Variants in NEIL3 observed in about 807,000 individuals in gnomAD.
NEIL3 encodes endonuclease 8-like 3.
In NEIL3, 48 loss-of-function variants were observed where a neutral mutation model predicts 57.5. That is an observed-to-expected ratio of 0.83 (90% CI 0.66 to 1.06). NEIL3 has a LOEUF of 1.06. Among genes scored for constraint, NEIL3 ranks in the 50% least tolerant of loss-of-function variants. The pLI, the probability that NEIL3 is intolerant of heterozygous loss-of-function variation, is 0.00. For synonymous variants in NEIL3, 261 were observed against 253.2 expected, an observed-to-expected ratio of 1.03 and a Z score of -0.29; for missense variants, 717 against 739.1, an observed-to-expected ratio of 0.97 and a Z score of 0.35.
At chr4:177,330,549 A>G (rs761883897) in intron 2 of NEIL3, among the ~76,000 whole-genome samples, 2 of 152,166 alleles carry the variant, frequency 1.3e-5, no homozygotes, top group African/African-American at 2.4e-5. Context: ...TCAATGAAGC[A>G]AATAATTGGT....
intron 8 of NEIL3, among the ~76,000 whole-genome samples, chr4:177,358,791 C>A (rs1446614531): frequency 6.6e-6 from 1 of 152,158 alleles, no homozygotes; most frequent in Non-Finnish European, 1.5e-5. Context: ...AACCCTGGAG[C>A]TCTCTAGGTT....
chr4:177,348,495 A>C (rs1377710404), intron 6 of NEIL3, among the ~76,000 whole-genome samples: 1 of 152,056 alleles, frequency 6.6e-6, no homozygotes, highest in African/African-American at 2.4e-5. Flanking sequence ...TCACCAGGGC[A>C]ATAGTTTCCC....
chr4:177,352,912 C>A (rs1307137083), intron 7 of NEIL3, among the ~76,000 whole-genome samples: 2 of 151,962 alleles, frequency 1.3e-5, no homozygotes, highest in African/African-American at 4.8e-5. Context: ...CTTGTCATTC[C>A]TAGTAGTCTA....
intron 4 of NEIL3, among the ~76,000 whole-genome samples, chr4:177,338,460 A>G (rs912764524): frequency 6.6e-6 from 1 of 152,148 alleles, no homozygotes. Flanking sequence ...CACAAATACT[A>G]TATTTTTCAT....
intron 1 of NEIL3, among the ~76,000 whole-genome samples, chr4:177,321,835 A>G (rs1734691673): frequency 6.6e-6 from 1 of 151,032 alleles, no homozygotes; most frequent in South Asian, 2.1e-4. Flanking sequence ...TGAAAATTGA[A>G]GCTCTCATTC....
rs749391559 is a variant in NEIL3 at position 177,348,858 on chromosome 4, A to ATTTTTTTTTTTTTTTTTTTTTTTTT, written c.870-2519_870-2495dup. 1.4e-4 allele frequency among the ~76,000 whole-genome samples: 10 copies of ATTTTTTTTTTTTTTTTTTTTTTTTT among 73,736 alleles called. 1 individual carries two copies. The highest frequency in any genetic ancestry group is 1.8e-4 in the African/African-American group (3 of 16,566). 48.4% of individuals were successfully genotyped at this position (73,736 alleles called of 152,430 possible). Reference sequence around the variant, plus strand: ...AGAATTGCAGATTGGTGGCTCATGAATTTTTTTTTTTTTTTTTTTTTTTTT... The same window carrying ATTTTTTTTTTTTTTTTTTTTTTTTT: ...AGAATTGCAGATTGGTGGCTCATGAATTTTTTTTTTTTTTTTTTTTTTTTTTTTTTTTTTTTTTTTTTTTTTTTTT... On this transcript the variant is annotated intron_variant, in intron 6 of 9. Transcript: ENST00000264596.
intron 1 of NEIL3, among the ~76,000 whole-genome samples, chr4:177,319,974 T>A (rs373570129): frequency 1.2e-4 from 18 of 152,048 alleles, no homozygotes; most frequent in East Asian, 1.2e-3. Flanking sequence ...TAAATGTGGG[T>A]TTAAAATGTT....
At chr4:177,329,694 G>A (rs751025526) in intron 2 of NEIL3, among the ~76,000 whole-genome samples, 2 of 152,142 alleles carry the variant, frequency 1.3e-5, no homozygotes, top group African/African-American at 2.4e-5. Flanking sequence ...TAAAAGACCT[G>A]AGCAACACTA....
intron 8 of NEIL3, among the ~76,000 whole-genome samples, chr4:177,354,546 TTTTTA>T (rs1449177420): frequency 3.3e-5 from 5 of 151,842 alleles, no homozygotes; most frequent in African/African-American, 1.2e-4. Context: ...ATGGTGTTTA[TTTTTA>T]TTTTTATTTT....
At chr4:177,328,920 C>T (rs1050372499) in intron 2 of NEIL3, among the ~76,000 whole-genome samples, 4 of 152,070 alleles carry the variant, frequency 2.6e-5, no homozygotes, top group Non-Finnish European at 4.4e-5. Flanking sequence ...TTGCAATATA[C>T]GTTTTGCATA....
At position 177,362,376 on chromosome 4, in the gene NEIL3, A is replaced by T; in HGVS notation, c.1723A>T (p.Asn575Tyr). Residue 575 changes from asparagine to tyrosine, a missense_variant, in exon 10 of 10, where the codon AAT becomes TAT. Transcript: ENST00000264596. ...GAAGATTGGACCTAACAATGGAAAGAATTTTTTTGTGTGTCCTCTTGGGAA... is the reference window on the plus strand; with the variant it reads ...GAAGATTGGACCTAACAATGGAAAGTATTTTTTTGTGTGTCCTCTTGGGAA... ...VLKIGPNNGK[N>Y]FFVCPLGKEK... 1 of 1,613,832 alleles carries T rather than the reference A, an allele frequency of 6.2e-7. No individual in the cohort carries two copies. The highest frequency in any genetic ancestry group is 1.7e-5 in the Admixed American group (1 of 59,978).
intron 8 of NEIL3, among the ~76,000 whole-genome samples, chr4:177,358,422 C>T (rs534823648): frequency 1.3e-5 from 2 of 152,314 alleles, no homozygotes; most frequent in South Asian, 4.1e-4. Context: ...ATTCTTCTGA[C>T]TCAGCCTCCC....
intron 4 of NEIL3, among the ~76,000 whole-genome samples, chr4:177,338,448 C>G (rs1228824507): frequency 1.3e-5 from 2 of 152,166 alleles, no homozygotes; most frequent in Non-Finnish European, 2.9e-5. Context: ...GGCTTCACAT[C>G]TCACAAATAC....
the NEIL3 span, among the ~76,000 whole-genome samples, chr4:177,368,487 A>G: frequency 2.0e-5 from 3 of 152,332 alleles, no homozygotes; most frequent in South Asian, 4.1e-4. Flanking sequence ...GGAGTATACT[A>G]TGGTCCGCAT....
At chr4:177,333,705 G>A (rs1333853801) in intron 2 of NEIL3, among the ~76,000 whole-genome samples, 2 of 152,106 alleles carry the variant, frequency 1.3e-5, no homozygotes, top group Non-Finnish European at 2.9e-5. Flanking sequence ...CTCACATCGG[G>A]AATCATTCCC....
chr4:177,344,647 C>T lies in NEIL3; in HGVS notation c.869+3005C>T, dbSNP rs34692107. On this transcript the variant is annotated intron_variant, in intron 6 of 9. Coordinates refer to ENST00000264596, the MANE Select transcript of NEIL3 (RefSeq NM_018248.3). ...TGTGATCTCGGCTCACTGCAACTTTCGCCTCCCGGGTTCAAGTGATTCTCC... is the reference window on the plus strand; with the variant it reads ...TGTGATCTCGGCTCACTGCAACTTTTGCCTCCCGGGTTCAAGTGATTCTCC... Among the ~76,000 whole-genome samples the T allele has an allele frequency of 6.2e-3, 938 of 151,048 alleles. 9 individuals are homozygous for T. Among genetic ancestry groups the T allele is most frequent in the African/African-American group, 0.022 (899 of 41,072 alleles).
Position 177,317,597 on chromosome 4 carries a change from C to CTTTTTTTTTTTTTTT in NEIL3, c.157-4852_157-4838dup, listed in dbSNP as rs745358876. Among the ~76,000 whole-genome samples the CTTTTTTTTTTTTTTT allele has an allele frequency of 2.7e-4, 19 of 70,064 alleles. 2 individuals are homozygous for CTTTTTTTTTTTTTTT. The highest frequency in any genetic ancestry group is 4.1e-4 in the Admixed American group (2 of 4,838). 46.0% of individuals were successfully genotyped at this position (70,064 alleles called of 152,430 possible). The stretch of plus-strand genomic sequence containing the variant: ...TTTTCCACGGTTAGAACTTTCTTTT[C>CTTTTTTTTTTTTTTT]TTTTTTTTTTTTTTTTTTTTTTTTG... On this transcript the variant is annotated intron_variant, in intron 1 of 9. Coordinates refer to ENST00000264596, the MANE Select transcript of NEIL3 (RefSeq NM_018248.3).
the NEIL3 span, among the ~76,000 whole-genome samples, chr4:177,368,809 A>G: frequency 6.6e-6 from 1 of 152,108 alleles, no homozygotes; most frequent in African/African-American, 2.4e-5. Flanking sequence ...TTTTTTTGGT[A>G]TTTTCTAGAA....
the NEIL3 span, among the ~76,000 whole-genome samples, chr4:177,368,226 T>G: frequency 6.6e-6 from 1 of 152,236 alleles, no homozygotes; most frequent in Non-Finnish European, 1.5e-5. Flanking sequence ...TTCTAACATT[T>G]ATGTTAAATT....
Sources: allele counts gnomAD v4.1 joint callset (sites outside exome capture counted in the v4.1 genomes callset), GRCh38; gene constraint gnomAD v4.1.1; transcripts MANE v1.5; gene names NCBI Gene and HGNC (gene_info 2026-07-23, HGNC 2026-07-21).